Variants in LHFPL3 observed in about 807,000 individuals in gnomAD.
LHFPL3 encodes the protein LHFPL tetraspan subfamily member 3.
Under a neutral mutation model 19.3 loss-of-function variants are expected in LHFPL3, and 5 were observed. That is an observed-to-expected ratio of 0.26 (90% confidence interval 0.14 to 0.54). LHFPL3 has a LOEUF of 0.54. Among genes scored for constraint, LHFPL3 ranks in the 20% least tolerant of loss-of-function variants. The pLI is 0.94. For synonymous variants in LHFPL3, 133 were observed against 126.2 expected (o/e 1.05, Z -0.36); for missense variants, 249 against 307.4 (o/e 0.81, Z 1.42).
intron 1 of LHFPL3, among the ~76,000 whole-genome samples, chr7:104,501,437 TTTAAG>T (rs1490652724): frequency 2.0e-5 from 3 of 152,212 alleles, no homozygotes; most frequent in Non-Finnish European, 4.4e-5. Flanking sequence ...CTTTTTAGTT[TTTAAG>T]TTAAGAGTAA....
At chr7:104,600,900 C>G (rs1790951413) in intron 1 of LHFPL3, among the ~76,000 whole-genome samples, 1 of 152,198 alleles carries the variant, frequency 6.6e-6, no homozygotes, top group Non-Finnish European at 1.5e-5. Context: ...GGACCAGGCA[C>G]TGTGCTGAGT....
chr7:104,844,658 C>T (rs1562812189), intron 2 of LHFPL3, among the ~76,000 whole-genome samples: 2 of 152,164 alleles, frequency 1.3e-5, no homozygotes, highest in Admixed American at 1.3e-4. Flanking sequence ...ATAAAAACAA[C>T]AATGATGTCT....
At chr7:104,585,778 G>T (rs1348814696) in intron 1 of LHFPL3, among the ~76,000 whole-genome samples, 1 of 152,076 alleles carries the variant, frequency 6.6e-6, no homozygotes, top group East Asian at 1.9e-4. Flanking sequence ...GCTTTGTAAT[G>T]TACTTTTGAA....
At chr7:104,634,859 A>G (rs1182345807) in intron 1 of LHFPL3, among the ~76,000 whole-genome samples, 1 of 152,146 alleles carries the variant, frequency 6.6e-6, no homozygotes, top group African/African-American at 2.4e-5. Flanking sequence ...ATATAAATGG[A>G]CAGAAAGGGA....
chr7:104,603,050 TTTTTTCTTTCTTTC>T (rs1356801844), intron 1 of LHFPL3, among the ~76,000 whole-genome samples: 8 of 149,772 alleles, frequency 5.3e-5, no homozygotes, highest in South Asian at 4.2e-4. Context: ...AAGTTTTCTT[TTTTTTCTTTCTTTC>T]TTTTTCTTTC....
intron 1 of LHFPL3, among the ~76,000 whole-genome samples, chr7:104,673,087 G>C (rs1399542449): frequency 3.9e-5 from 6 of 152,104 alleles, no homozygotes; most frequent in Non-Finnish European, 8.8e-5. Context: ...ATCCCATTAT[G>C]ACATCCAGCA....
chr7:104,479,177 G>T (rs1793081762), intron 1 of LHFPL3, among the ~76,000 whole-genome samples: 4 of 152,160 alleles, frequency 2.6e-5, no homozygotes, highest in African/African-American at 9.7e-5. Context: ...AAAAGAGTGG[G>T]CTCAGTTTAC....
At chr7:104,517,884 G>C (rs116202988) in intron 1 of LHFPL3, among the ~76,000 whole-genome samples, 1 of 152,088 alleles carries the variant, frequency 6.6e-6, no homozygotes, top group Admixed American at 6.5e-5. Context: ...GGACCTGGGG[G>C]AGGGATAACA....
intron 2 of LHFPL3, among the ~76,000 whole-genome samples, chr7:104,772,861 T>C (rs1353047614): frequency 2.6e-5 from 4 of 152,252 alleles, no homozygotes; most frequent in Admixed American, 2.6e-4. Context: ...ATTCAAGTTC[T>C]GTGCAATTTG....
intron 1 of LHFPL3, among the ~76,000 whole-genome samples, chr7:104,594,114 C>T (rs1562944812): frequency 6.6e-6 from 1 of 152,158 alleles, no homozygotes; most frequent in African/African-American, 2.4e-5. Flanking sequence ...TTAATTGATG[C>T]AGTTTCTTCA....
intron 2 of LHFPL3, 61 bp from the exon 3 acceptor site, chr7:104,906,126 A>C: frequency 6.6e-7 from 1 of 1,514,502 alleles, no homozygotes; most frequent in African/African-American, 1.4e-5. Context: ...TGCAGACAGA[A>C]AATGATGTAT....
At chr7:104,804,707 T>A (rs1032529577) in intron 2 of LHFPL3, among the ~76,000 whole-genome samples, 1 of 152,042 alleles carries the variant, frequency 6.6e-6, no homozygotes, top group African/African-American at 2.4e-5. Flanking sequence ...AAAACTGAGG[T>A]CCTCAATGCA....
Position 104,517,141 on chromosome 7 carries a change from G to A in LHFPL3, c.445+187917G>A, listed in dbSNP as rs374364224. 1.2e-3 allele frequency among the ~76,000 whole-genome samples: 187 copies of A among 152,190 alleles called. 2 individuals carry two copies. Among genetic ancestry groups the A allele is most frequent in the African/African-American group, 4.3e-3 (178 of 41,552 alleles). On this transcript the variant is annotated intron_variant, in intron 1 of 2. Coordinates refer to ENST00000424859, the MANE Select transcript of LHFPL3 (RefSeq NM_199000.3). ...GGAACAACCCACAGTGGGGCCTATC[G>A]GAGGGTGGAGGGTGGGAGGAGGGAG... is the stretch of plus-strand genomic sequence containing the variant.
intron 1 of LHFPL3, among the ~76,000 whole-genome samples, chr7:104,494,741 T>C (rs1793425234): frequency 6.6e-6 from 1 of 152,118 alleles, no homozygotes; most frequent in African/African-American, 2.4e-5. Context: ...ATACAAGAAT[T>C]CCAAGGCTTA....
chr7:104,651,362 A>G (rs922419812), intron 1 of LHFPL3, among the ~76,000 whole-genome samples: 2 of 152,240 alleles, frequency 1.3e-5, no homozygotes, highest in Non-Finnish European at 2.9e-5. Context: ...GCCGGAATGC[A>G]TCGTAAGCTG....
intron 1 of LHFPL3, among the ~76,000 whole-genome samples, chr7:104,441,869 T>C (rs1442317581): frequency 2.6e-5 from 4 of 152,172 alleles, no homozygotes; most frequent in African/African-American, 7.2e-5. Flanking sequence ...CCACTGCGCC[T>C]GGCTGAGAAC....
intron 1 of LHFPL3, among the ~76,000 whole-genome samples, chr7:104,715,288 A>G (rs1251413000): frequency 6.6e-6 from 1 of 152,236 alleles, no homozygotes; most frequent in Admixed American, 6.5e-5. Context: ...AGTAAGGGAA[A>G]GGAGTTCAGA....
At chr7:104,819,380 A>G (rs1377696703) in intron 2 of LHFPL3, among the ~76,000 whole-genome samples, 6 of 106,092 alleles carry the variant, frequency 5.7e-5, no homozygotes, top group Non-Finnish European at 1.2e-4. Context: ...AGATCTGGAA[A>G]AAAAAAAAAA....
chr7:104,575,818 C>A (rs1319944045), intron 1 of LHFPL3, among the ~76,000 whole-genome samples: 1 of 151,920 alleles, frequency 6.6e-6, no homozygotes, highest in Admixed American at 6.6e-5. Context: ...GACCACTTTA[C>A]CCTTTAAATA....
Sources: gnomAD v4.1 joint callset for allele counts (sites outside exome capture counted in the v4.1 genomes callset) on GRCh38, gnomAD v4.1.1 for gene constraint, MANE v1.5 for transcripts, NCBI Gene and HGNC (gene_info 2026-07-23, HGNC 2026-07-21) for gene names.